Variants in CMSS1 observed in about 807,000 individuals in gnomAD.
The protein encoded by CMSS1 is cms1 ribosomal small subunit homolog, also known as protein CMSS1.
In CMSS1, 33 loss-of-function variants were observed where a neutral mutation model predicts 43.5. The observed-to-expected ratio is 0.76, with a 90% CI of 0.57 to 1.01. CMSS1 has a LOEUF of 1.01. CMSS1 is among the 50% of genes least tolerant of loss of function. CMSS1 has a pLI of 0.00. For missense variants in CMSS1, 313 were observed against 326.4 expected, an observed-to-expected ratio of 0.96 and a Z score of 0.32; for synonymous variants, 115 against 117.2, an observed-to-expected ratio of 0.98 and a Z score of 0.12.
At chr3:100,020,302 T>C (rs1363686482) in intron 1 of CMSS1, among the ~76,000 whole-genome samples, 1 of 152,208 alleles carries the variant, frequency 6.6e-6, no homozygotes, top group Non-Finnish European at 1.5e-5. Context: ...TATTCTCGCA[T>C]TTAGGACTTG....
chr3:99,839,267 C>T (rs1336844555), intron 1 of CMSS1, among the ~76,000 whole-genome samples: 1 of 152,112 alleles, frequency 6.6e-6, no homozygotes, highest in Non-Finnish European at 1.5e-5. Context: ...TTAAGCTACC[C>T]CTTAACTCCC....
At chr3:99,933,127 G>A (rs1365362199) in intron 1 of CMSS1, among the ~76,000 whole-genome samples, 2 of 152,190 alleles carry the variant, frequency 1.3e-5, no homozygotes, top group Non-Finnish European at 2.9e-5. Flanking sequence ...TGGGATTTGA[G>A]TCTAGGAAAC....
intron 1 of CMSS1, among the ~76,000 whole-genome samples, chr3:99,894,244 C>G (rs1271713214): frequency 2.0e-5 from 3 of 152,156 alleles, no homozygotes; most frequent in Admixed American, 1.3e-4. Flanking sequence ...AATACTCTTT[C>G]AGTGCTAAGG....
At chr3:100,126,470 G>A (rs1164040292) in intron 1 of CMSS1, among the ~76,000 whole-genome samples, 1 of 152,032 alleles carries the variant, frequency 6.6e-6, no homozygotes, top group East Asian at 1.9e-4. Context: ...TTTTCACATG[G>A]GTTCCTACAA....
chr3:99,897,223 G>A (rs2107621482), intron 1 of CMSS1, among the ~76,000 whole-genome samples: 1 of 152,206 alleles, frequency 6.6e-6, no homozygotes, highest in African/African-American at 2.4e-5. Flanking sequence ...ACCGGGTGTT[G>A]TGGTGCACAC....
intron 1 of CMSS1, among the ~76,000 whole-genome samples, chr3:99,856,065 T>A (rs1293579859): frequency 6.6e-6 from 1 of 152,212 alleles, no homozygotes; most frequent in Non-Finnish European, 1.5e-5. Context: ...CCATCCATTG[T>A]TTGGTTCTGA....
At chr3:99,951,423 C>G (rs559258070) in intron 1 of CMSS1, among the ~76,000 whole-genome samples, 1 of 152,068 alleles carries the variant, frequency 6.6e-6, no homozygotes, top group Non-Finnish European at 1.5e-5. Flanking sequence ...TGTACTCTGT[C>G]GAATGAATGA....
At chr3:99,966,731 A>G (rs1708665023) in intron 1 of CMSS1, among the ~76,000 whole-genome samples, 1 of 152,250 alleles carries the variant, frequency 6.6e-6, no homozygotes, top group South Asian at 2.1e-4. Flanking sequence ...GTAGTGTGTC[A>G]GATTTGAAAA....
intron 1 of CMSS1, among the ~76,000 whole-genome samples, chr3:100,120,787 A>G (rs1294472806): frequency 2.6e-5 from 4 of 151,882 alleles, no homozygotes; most frequent in Admixed American, 6.6e-5. Flanking sequence ...TGGGGATGCA[A>G]CTATTTTAAC....
intron 1 of CMSS1, among the ~76,000 whole-genome samples, chr3:99,965,041 T>A (rs142798498): frequency 0.012 from 1,881 of 152,346 alleles, 30 homozygotes; most frequent in African/African-American, 0.042. Flanking sequence ...AAATAAATTA[T>A]GATACCTTAT....
chr3:99,821,046 A>C (rs1688758), intron 1 of CMSS1, among the ~76,000 whole-genome samples: 2 of 151,514 alleles, frequency 1.3e-5, no homozygotes, highest in South Asian at 2.1e-4. Flanking sequence ...ATGGTTTATA[A>C]CATCTATCTA....
intron 8 of CMSS1, among the ~76,000 whole-genome samples, chr3:100,173,682 C>T (rs1260393299): frequency 2.0e-5 from 3 of 152,026 alleles, no homozygotes; most frequent in Admixed American, 6.6e-5. Flanking sequence ...TGAAATAGGC[C>T]GGGAGGGTCA....
At chr3:100,122,795 G>A (rs576972560) in intron 1 of CMSS1, among the ~76,000 whole-genome samples, 2 of 152,182 alleles carry the variant, frequency 1.3e-5, no homozygotes, top group African/African-American at 4.8e-5. Flanking sequence ...GTCCAGTCAG[G>A]GTGGTCCTGG....
intron 1 of CMSS1, among the ~76,000 whole-genome samples, chr3:100,093,218 T>A (rs957741014): frequency 5.3e-5 from 8 of 152,164 alleles, no homozygotes; most frequent in African/African-American, 1.9e-4. Flanking sequence ...TATACTGAGT[T>A]GAGCAGCTTA....
At chr3:100,140,395 C>G (rs753478475) in intron 1 of CMSS1, among the ~76,000 whole-genome samples, 1 of 152,078 alleles carries the variant, frequency 6.6e-6, no homozygotes, top group Non-Finnish European at 1.5e-5. Flanking sequence ...TTTTCTGCCT[C>G]TATAGTTTTG....
intron 1 of CMSS1, among the ~76,000 whole-genome samples, chr3:99,955,399 A>G (rs573603676): frequency 6.6e-6 from 1 of 152,338 alleles, no homozygotes; most frequent in South Asian, 2.1e-4. Flanking sequence ...AAGGCTAGAT[A>G]ATTGATTTTT....
chr3:100,159,837 C>G (rs932202163), intron 2 of CMSS1: 2 of 455,452 alleles, frequency 4.4e-6, no homozygotes, highest in South Asian at 3.1e-5. Context: ...GGTGCTGAGA[C>G]GGTTATCAGA....
At chr3:100,049,564 A>T (rs1011350843) in intron 1 of CMSS1, among the ~76,000 whole-genome samples, 13 of 152,186 alleles carry the variant, frequency 8.5e-5, no homozygotes, top group African/African-American at 3.1e-4. Context: ...TTAGAATATA[A>T]AGCCAGAGAT....
At chr3:100,002,950 G>C (rs1175502868) in intron 1 of CMSS1, among the ~76,000 whole-genome samples, 5 of 152,168 alleles carry the variant, frequency 3.3e-5, no homozygotes, top group Non-Finnish European at 5.9e-5. Context: ...ATTCTTGCTG[G>C]GTTGCATCAG....
Sources: allele counts gnomAD v4.1 joint callset (sites outside exome capture counted in the v4.1 genomes callset), GRCh38; gene constraint gnomAD v4.1.1; transcripts MANE v1.5; gene names NCBI Gene and HGNC (gene_info 2026-07-23, HGNC 2026-07-21).